GALNT13: variants seen among roughly 807,000 people sequenced by gnomAD.
GALNT13 encodes UDP-GalNAc:polypeptide N-acetylgalactosaminyltransferase 13.
A neutral mutation model predicts 64.2 loss-of-function variants in GALNT13; 28 were observed. The ratio of observed to expected loss-of-function variants is 0.44; its 90% CI spans 0.32 to 0.60. The LOEUF is 0.60. Among genes scored for constraint, GALNT13 ranks in the 20% least tolerant of loss-of-function variants. The pLI, the probability that GALNT13 is intolerant of heterozygous loss-of-function variation, is 0.05. For synonymous variants in GALNT13, 214 were observed against 224.6 expected (o/e 0.95, Z 0.42); for missense variants, 577 against 669.8 (o/e 0.86, Z 1.53).
chr2:153,448,911 A>G, the GALNT13 span, among the ~76,000 whole-genome samples: 1 of 152,196 alleles, frequency 6.6e-6, no homozygotes, highest in African/African-American at 2.4e-5. Context: ...AAACGAGGTC[A>G]TAAGAGTGGG....
the GALNT13 span, among the ~76,000 whole-genome samples, chr2:153,563,666 A>C: frequency 6.6e-6 from 1 of 151,404 alleles, no homozygotes; most frequent in Admixed American, 6.6e-5. Flanking sequence ...ACCTCCCCTC[A>C]TCTACTACCC....
intron 8 of GALNT13, among the ~76,000 whole-genome samples, chr2:154,298,633 T>C (rs866720972): frequency 0.017 from 411 of 23,570 alleles, 80 homozygotes; most frequent in African/African-American, 0.074. Context: ...ATTGTATATA[T>C]AATTTATATA....
the GALNT13 span, among the ~76,000 whole-genome samples, chr2:153,535,797 T>A: frequency 6.6e-6 from 1 of 152,154 alleles, no homozygotes; most frequent in Non-Finnish European, 1.5e-5. Flanking sequence ...TTTCACTGAA[T>A]ACTAAGAGCC....
chr2:154,191,197 GTTTTC>G (rs1686557511), intron 4 of GALNT13, among the ~76,000 whole-genome samples: 1 of 152,136 alleles, frequency 6.6e-6, no homozygotes, highest in South Asian at 2.1e-4. Flanking sequence ...TAAAAAATAA[GTTTTC>G]TTTTTTTATG....
the GALNT13 span, among the ~76,000 whole-genome samples, chr2:153,728,672 C>A: frequency 6.6e-6 from 1 of 151,884 alleles, no homozygotes; most frequent in Non-Finnish European, 1.5e-5. Context: ...GCTAGAGACA[C>A]GAAAAACCCT....
the GALNT13 span, among the ~76,000 whole-genome samples, chr2:153,704,046 T>G: frequency 1.3e-5 from 2 of 152,204 alleles, no homozygotes; most frequent in African/African-American, 2.4e-5. Context: ...TTTTTCAGTA[T>G]ATCTTGAAAA....
At chr2:154,141,367 A>T (rs1394559195) in intron 4 of GALNT13, among the ~76,000 whole-genome samples, 1 of 152,158 alleles carries the variant, frequency 6.6e-6, no homozygotes, top group Non-Finnish European at 1.5e-5. Context: ...TAAACTGTTT[A>T]GTATTAATAC....
chr2:153,116,392 T>A, the GALNT13 span, among the ~76,000 whole-genome samples: 2 of 152,302 alleles, frequency 1.3e-5, no homozygotes, highest in Middle Eastern at 3.4e-3. Flanking sequence ...ACTAGAACAC[T>A]GAATATATAT....
At chr2:153,118,888 C>T in the GALNT13 span, among the ~76,000 whole-genome samples, 4 of 152,080 alleles carry the variant, frequency 2.6e-5, no homozygotes, top group African/African-American at 9.7e-5. Context: ...CCACCCAAAT[C>T]TCATCTTGAA....
At chr2:153,268,338 A>C in the GALNT13 span, among the ~76,000 whole-genome samples, 2 of 152,226 alleles carry the variant, frequency 1.3e-5, no homozygotes, top group Non-Finnish European at 2.9e-5. Context: ...ATTAAACCTT[A>C]AAATTCCAAA....
At chr2:153,283,259 A>G in the GALNT13 span, among the ~76,000 whole-genome samples, 1 of 152,206 alleles carries the variant, frequency 6.6e-6, no homozygotes, top group Admixed American at 6.5e-5. Flanking sequence ...AGCTGTGCCT[A>G]GTCATGGAGC....
At chr2:154,070,115 C>T (rs2348781) in intron 3 of GALNT13, among the ~76,000 whole-genome samples, 28,745 of 151,906 alleles carry the variant, frequency 0.19, 3,400 homozygotes, top group Non-Finnish European at 0.26. Flanking sequence ...TGATATGTGG[C>T]CCTAGATTTA....
the GALNT13 span, among the ~76,000 whole-genome samples, chr2:153,166,122 C>T: frequency 2.3e-4 from 35 of 152,306 alleles, no homozygotes; most frequent in African/African-American, 8.2e-4. Flanking sequence ...ATTCCCCACT[C>T]ATTTCCTACC....
chr2:153,416,843 T>G, the GALNT13 span, among the ~76,000 whole-genome samples: 2 of 152,194 alleles, frequency 1.3e-5, no homozygotes, highest in African/African-American at 4.8e-5. Context: ...AATTAACAAT[T>G]AAAATACATC....
chr2:153,713,775 C>T, the GALNT13 span, among the ~76,000 whole-genome samples: 9 of 152,328 alleles, frequency 5.9e-5, no homozygotes, highest in South Asian at 4.1e-4. Context: ...TGAGCCACTA[C>T]GCCTAGCCAG....
chr2:153,908,579 G>A (rs918612659), intron 2 of GALNT13, among the ~76,000 whole-genome samples: 2 of 152,086 alleles, frequency 1.3e-5, no homozygotes, highest in African/African-American at 4.8e-5. Context: ...GTGGTATAAA[G>A]AAGGAGTCCA....
chr2:153,744,582 G>A, the GALNT13 span, among the ~76,000 whole-genome samples: 33,931 of 151,916 alleles, frequency 0.22, 4,991 homozygotes, highest in Middle Eastern at 0.4. Context: ...TCTTAGCTCC[G>A]TCTCAATGTC....
chr2:154,003,959 A>C (rs1341336089), intron 3 of GALNT13, among the ~76,000 whole-genome samples: 1 of 152,228 alleles, frequency 6.6e-6, no homozygotes, highest in Non-Finnish European at 1.5e-5. Context: ...GAGCCAATTA[A>C]ACTTTTCTTT....
chr2:153,554,859 A>T, the GALNT13 span, among the ~76,000 whole-genome samples: 1 of 152,140 alleles, frequency 6.6e-6, no homozygotes, highest in African/African-American at 2.4e-5. Context: ...ATATCCTTTT[A>T]AAAATATATG....
Sources: allele counts gnomAD v4.1 joint callset (sites outside exome capture counted in the v4.1 genomes callset), GRCh38; gene constraint gnomAD v4.1.1; transcripts MANE v1.5; gene names NCBI Gene and HGNC (gene_info 2026-07-23, HGNC 2026-07-21).